DBP: variants seen among roughly 807,000 people sequenced by gnomAD.
DBP encodes the protein D site-binding protein.
In DBP, 12 loss-of-function variants were observed where a neutral mutation model predicts 21.4. The observed-to-expected ratio is 0.56, with a 90% CI of 0.36 to 0.91. The LOEUF is 0.91. Among genes scored for constraint, DBP ranks in the 40% least tolerant of loss-of-function variants. The pLI is 0.01. For synonymous variants in DBP, 213 were observed against 224.9 expected, an observed-to-expected ratio of 0.95 and a Z score of 0.47; for missense variants, 423 against 473.4, an observed-to-expected ratio of 0.89 and a Z score of 0.99.
Position 48,630,398 on chromosome 19 carries a change from T to A in DBP, c.*439A>T. The A allele has an allele frequency of 7.2e-7, 1 of 1,387,026 alleles. No individual in the cohort carries two copies. The highest frequency in any genetic ancestry group is 9.3e-7 in the Non-Finnish European group (1 of 1,072,218). 85.9% of individuals were successfully genotyped at this position (1,387,026 alleles called of 1,614,324 possible). A position where few individuals can be genotyped will look rare whatever the true frequency, so the allele number is the denominator to read the frequency against. ...TATGCAATAAAGGCAGTCGCTTCAT[T>A]CCTCTCAGACCTTCTGCCCTTCCTC... On this transcript the variant is annotated 3_prime_UTR_variant, in exon 4 of 4. Transcript: ENST00000222122. This position sits in a 1 kb window ranked among gnomAD's most constrained non-coding sequence, Gnocchi z 4.9.
chr19:48,637,120 C>T lies in DBP; in HGVS notation c.-126G>A, dbSNP rs187361350. 3.8e-5 allele frequency: 32 copies of T among 833,302 alleles called. No homozygotes were observed. The African/African-American group carries it at 4.1e-4, about 11-fold the overall frequency. 51.6% of individuals were successfully genotyped at this position (833,302 alleles called of 1,614,324 possible). A position where few individuals can be genotyped will look rare whatever the true frequency, so the allele number is the denominator to read the frequency against. On this transcript the variant is annotated 5_prime_UTR_variant, in exon 1 of 4. Transcript: ENST00000222122. ...GGGGCGGGCGAGTGTAGCCTGCAAC[C>T]CTCCAGTATCCAGAACGCTGCAAAT... is the stretch of plus-strand genomic sequence containing the variant.
rs2030844440 is a variant in DBP at position 48,637,213 on chromosome 19, C to G, written c.-219G>C. 4.7e-6 allele frequency: 2 copies of G among 427,500 alleles called. No homozygotes were observed. The highest frequency in any genetic ancestry group is 2.1e-5 in the African/African-American group (1 of 48,718). The allele number at this position is 427,500 out of a possible 1,614,324, so 26.5% of individuals were successfully genotyped here. On this transcript the variant is annotated 5_prime_UTR_variant, in exon 1 of 4. An upstream start codon of the reference 5' UTR is lost. Transcript: ENST00000222122. Reference sequence around the variant, plus strand: ...GCAACTCAAGAGGGTCCCGGGAGATCATGCAATCTGGGCGAGGGGGTGTCC... The same window carrying G: ...GCAACTCAAGAGGGTCCCGGGAGATGATGCAATCTGGGCGAGGGGGTGTCC...
rs1394502966 is a variant in DBP, at chr19:48,635,939, G to T, written c.191C>A (p.Pro64His). The change falls in exon 2 of 4, where the codon CCT becomes CAT. Residue 64 changes from proline (P) to histidine (H), a missense_variant. Coordinates refer to ENST00000222122, the MANE Select transcript of DBP (RefSeq NM_001352.5). ...RKAALPAATT[P>H]GPGLETAGPA... ...GCCCGCAGTCTCCAGGCCTGGCCCA[G>T]GGGTTGTGGCTGCAGGCAGGGCCGC... 2.6e-6 allele frequency: 4 copies of T among 1,526,432 alleles called. No homozygotes were observed. The highest frequency in any genetic ancestry group is 3.5e-6 in the Non-Finnish European group (4 of 1,144,384). 94.6% of individuals were successfully genotyped at this position (1,526,432 alleles called of 1,614,324 possible).
rs1250224059 is a variant in DBP, at chr19:48,637,159, G to A, written c.-165C>T. Reference sequence around the variant, plus strand: ...AACGCTGCAAATCCTAGGAGCGACGGGGATTTGAGGTCCTCGGTGCAGAAA... The same window carrying A: ...AACGCTGCAAATCCTAGGAGCGACGAGGATTTGAGGTCCTCGGTGCAGAAA... On this transcript the variant is annotated 5_prime_UTR_variant, in exon 1 of 4. Transcript: ENST00000222122. 9 of 584,994 alleles carry A rather than the reference G, an allele frequency of 1.5e-5. No homozygotes were observed. Among genetic ancestry groups the A allele is most frequent in the East Asian group, 1.3e-4 (4 of 30,042 alleles). 36.2% of individuals were successfully genotyped at this position (584,994 alleles called of 1,614,324 possible).
chr19:48,631,173 A>C (rs1481590708), intron 3 of DBP, 121 bp from the exon 4 acceptor site: 4 of 838,980 alleles, frequency 4.8e-6, no homozygotes, highest in African/African-American at 1.7e-5. Flanking sequence ...TAGGTACCCA[A>C]GGGTCTGCCT....
rs1173624281 is a variant in DBP at position 48,633,620 on chromosome 19, G to C, written c.586C>G (p.Pro196Ala). The C allele has an allele frequency of 2.5e-6, 4 of 1,614,008 alleles. No homozygotes were observed. Among genetic ancestry groups the C allele is most frequent in the African/African-American group, 2.7e-5 (2 of 74,906 alleles). Residue 196 changes from proline to alanine, a missense_variant, in exon 3 of 4, where the codon CCA (proline) becomes GCA (alanine). Pro to Ala is a conservative substitution (Grantham distance 27, BLOSUM62 -1). Around this residue, in one of 4 missense-constraint regions of DBP, gnomAD observed 77 missense variants for 97.1 expected, o/e 0.79. Coordinates refer to ENST00000222122, the MANE Select transcript of DBP (RefSeq NM_001352.5). ...GTCATCAACACCTCCACGGTGTCTG[G>C]GTCCACAGGGCTGGGTGTGTCCCGA... ...TSRDTPSPVD[P>A]DTVEVLMTFE...
Position 48,636,997 on chromosome 19 carries a change from C to A in DBP, c.-3G>T. On this transcript the variant is annotated 5_prime_UTR_variant, in exon 1 of 4. Coordinates refer to ENST00000222122, the MANE Select transcript of DBP (RefSeq NM_001352.5). ...CTGTCGCTCACAGGCCGCGCCATCG[C>A]CTGGCACCTGCCCCCAGGCTCACGG... 1 of 1,489,176 alleles carries A rather than the reference C, an allele frequency of 6.7e-7. No individual in the cohort carries two copies. The highest frequency in any genetic ancestry group is 1.3e-5 in the South Asian group (1 of 75,044). The allele number at this position is 1,489,176 out of a possible 1,614,324, so 92.2% of individuals were successfully genotyped here. A position where few individuals can be genotyped will look rare whatever the true frequency, so the allele number is the denominator to read the frequency against.
At chr19:48,632,313 T>A (rs1568439134) in intron 3 of DBP, 1 of 152,158 alleles carries the variant, frequency 6.6e-6, no homozygotes, top group Admixed American at 6.5e-5. Context: ...ATTTTTGTAT[T>A]TTTTTGTAGA....
In DBP at chr19:48,635,672, C is replaced by T; in HGVS notation, c.458G>A (p.Gly153Glu). The change falls in exon 2 of 4, where the codon GGG becomes GAG. Residue 153 changes from glycine to glutamate, a missense_variant. By Grantham distance (98) the Gly-to-Glu change is moderately conservative. Transcript: ENST00000222122. ...SPARTPAPSP[G>E]PGSCGSASPR... Reference sequence around the variant, plus strand: ...GGAAGCCGAGCCGCACGAACCCGGCCCTGGGGAGGGTGCGGGCGTCCGCGC... The same window carrying T: ...GGAAGCCGAGCCGCACGAACCCGGCTCTGGGGAGGGTGCGGGCGTCCGCGC... 7.6e-7 allele frequency: 1 copy of T among 1,318,910 alleles called. No homozygotes were observed. The highest frequency in any genetic ancestry group is 4.2e-5 in the Admixed American group (1 of 23,778). The allele number at this position is 1,318,910 out of a possible 1,614,324, so 81.7% of individuals were successfully genotyped here.
At position 48,630,489 on chromosome 19, in the gene DBP, A is replaced by G; in HGVS notation, c.*348T>C. ...CAGCAGCGCCTGCCCTCTATGGACG[A>G]CAGCCCGGAGCTGCCCACGGGCTGC... is the stretch of plus-strand genomic sequence containing the variant. On this transcript the variant is annotated 3_prime_UTR_variant, in exon 4 of 4. Coordinates refer to ENST00000222122, the MANE Select transcript of DBP (RefSeq NM_001352.5). The surrounding 1 kb of genome is among the most constrained non-coding windows in gnomAD (Gnocchi z 4.9). The G allele has an allele frequency of 6.6e-7, 1 of 1,511,976 alleles. No homozygotes were observed. The highest frequency in any genetic ancestry group is 8.8e-7 in the Non-Finnish European group (1 of 1,137,156). 93.7% of individuals were successfully genotyped at this position (1,511,976 alleles called of 1,614,324 possible).
chr19:48,635,849 A>G lies in DBP; in HGVS notation c.281T>C (p.Val94Ala), dbSNP rs2030768356. 1 of 1,400,238 alleles carries G rather than the reference A, an allele frequency of 7.1e-7. No homozygotes were observed. Among genetic ancestry groups the G allele is most frequent in the East Asian group, 3.0e-5 (1 of 32,980 alleles). 86.7% of individuals were successfully genotyped at this position (1,400,238 alleles called of 1,614,324 possible). Reference sequence around the variant, plus strand: ...TGGCGCCAACAGACCCGGGGCGGGCACCGGCCCCGGGCGCCCCCGCGGGGA... The same window carrying G: ...TGGCGCCAACAGACCCGGGGCGGGCGCCGGCCCCGGGCGCCCCCGCGGGGA... The part of the protein sequence containing the change: ...GGSPRGRPGP[V>A]PAPGLLAPLL... The change falls in exon 2 of 4, where the codon GTG becomes GCG. Residue 94 changes from valine to alanine, a missense_variant. Physicochemically the swap from Val to Ala is moderately conservative, Grantham distance 64. Around this residue, in one of 4 missense-constraint regions of DBP, gnomAD observed 283 missense variants for 273.7 expected, o/e 1.03. Transcript: ENST00000222122.
At position 48,637,163 on chromosome 19, in the gene DBP, T is replaced by C; in HGVS notation, c.-169A>G. The C allele has an allele frequency of 5.2e-6, 3 of 575,890 alleles. No homozygotes were observed. The South Asian group carries it at 7.8e-5, about 15-fold the overall frequency. The allele number at this position is 575,890 out of a possible 1,614,324, so 35.7% of individuals were successfully genotyped here. A position where few individuals can be genotyped will look rare whatever the true frequency, so the allele number is the denominator to read the frequency against. ...CTGCAAATCCTAGGAGCGACGGGGA[T>C]TTGAGGTCCTCGGTGCAGAAACGTG... is the stretch of plus-strand genomic sequence containing the variant. On this transcript the variant is annotated 5_prime_UTR_variant, in exon 1 of 4. Transcript: ENST00000222122.
Position 48,633,465 on chromosome 19 carries a change from G to T in DBP, c.741C>A (p.Ile247=), listed in dbSNP as rs1280744293. Residue 247 remains isoleucine (I), a synonymous_variant, in exon 3 of 4, where the codon ATC becomes ATA. Transcript: ENST00000222122. ...TCACCTTCTGCTCCTCCGGCACCTGGATTTTTCTTGCCTTCTTCATGATTG... is the reference window on the plus strand; with the variant it reads ...TCACCTTCTGCTCCTCCGGCACCTGTATTTTTCTTGCCTTCTTCATGATTG... ...PQPIMKKARK[I]QVPEEQKDEK... is the part of the protein sequence containing the mutation. 6.2e-7 allele frequency: 1 copy of T among 1,614,138 alleles called. No individual in the cohort carries two copies. The highest frequency in any genetic ancestry group is 8.5e-7 in the Non-Finnish European group (1 of 1,180,024).
intron 3 of DBP, chr19:48,631,648 G>C (rs1272883306): frequency 6.5e-6 from 1 of 152,680 alleles, no homozygotes; most frequent in East Asian, 1.9e-4. Flanking sequence ...CTCCTCCCCA[G>C]TAGGACCTGA....
In DBP at chr19:48,636,927, G is replaced by C. The variant is rs551268466; in HGVS notation, c.68C>G (p.Pro23Arg). The change falls in exon 1 of 4, where the codon CCT (proline) becomes CGT (arginine). Residue 23 changes from proline (P) to arginine (R), a missense_variant. Transcript: ENST00000222122. ...LLLGGPAGTPPGGGALLGLRS... is the reference protein window; with the variant it reads ...LLLGGPAGTPRGGGALLGLRS... ...CAACCCAAGCAGCGCTCCCCCGCCA[G>C]GGGGTGTCCCGGCCGGGCCGCCCAG... 1.9e-6 allele frequency: 3 copies of C among 1,589,510 alleles called. No homozygotes were observed. The highest frequency in any genetic ancestry group is 1.1e-5 in the South Asian group (1 of 88,228).
At position 48,633,526 on chromosome 19, in the gene DBP, C is replaced by G. The variant is rs376059247; in HGVS notation, c.680G>C (p.Arg227Thr). The G allele has an allele frequency of 2.5e-6, 4 of 1,614,056 alleles. No homozygotes were observed. The African/African-American group carries it at 5.3e-5, about 22-fold the overall frequency. ...AAGTTCCTCTTCTGAGAAGCGATGT[C>G]TTCGAGGGTCAAAGGTCTCGTGGCC... ...IPGHETFDPRRHRFSEEELKP... is the reference protein window; with the variant it reads ...IPGHETFDPRTHRFSEEELKP... Residue 227 changes from arginine to threonine, a missense_variant, in exon 3 of 4, where the codon AGA (arginine) becomes ACA (threonine). Arg to Thr is a moderately conservative substitution (Grantham distance 71, BLOSUM62 -1). Transcript: ENST00000222122.
chr19:48,636,814 G>A, intron 1 of DBP, 42 bp downstream of exon 1: 1 of 1,606,386 alleles, frequency 6.2e-7, no homozygotes, highest in Non-Finnish European at 8.5e-7. Context: ...TCCCTAAGGG[G>A]GTAGGGTGTC....
intron 3 of DBP, chr19:48,633,204 C>G: frequency 1.6e-6 from 1 of 610,698 alleles, no homozygotes; most frequent in East Asian, 2.7e-5. Context: ...GCCTCAGCCC[C>G]CTAAAATGCT....
rs2030660768 is a variant in DBP at position 48,633,217 on chromosome 19, G to C, written c.762+227C>G. 3 of 620,018 alleles carry C rather than the reference G, an allele frequency of 4.8e-6. No homozygotes were observed. The South Asian group carries it at 5.6e-5, about 12-fold the overall frequency. 38.4% of individuals were successfully genotyped at this position (620,018 alleles called of 1,614,324 possible). On this transcript the variant is annotated intron_variant, in intron 3 of 3. Transcript: ENST00000222122. ...CTGCCTCAGCCCCCTAAAATGCTGG[G>C]ATTACACGAGTGAGGCCCCTCGCCC...
Sources: allele counts gnomAD v4.1 joint callset, GRCh38; gene constraint gnomAD v4.1.1; regional missense constraint gnomAD v4.1.1; non-coding constraint Gnocchi (gnomAD v3.1); transcripts MANE v1.5; gene names NCBI Gene and HGNC (gene_info 2026-07-23, HGNC 2026-07-21).